The following B3GALNT2 variants were observed in gnomAD, a reference collection of about 807,000 sequenced individuals.
The protein encoded by B3GALNT2 is UDP-GalNAc:beta-1,3-N-acetylgalactosaminyltransferase 2.
B3GALNT2 carries 53 observed loss-of-function variants against 61.1 expected under a neutral mutation model. The observed-to-expected ratio is 0.87, with a 90% confidence interval of 0.70 to 1.09. The LOEUF (loss-of-function observed/expected upper bound fraction) is 1.09, where lower values mean the gene tolerates loss of function less well. Ranked by LOEUF, B3GALNT2 falls within the 50% of genes least tolerant of loss-of-function variation. B3GALNT2 has a pLI of 0.00. For synonymous variants in B3GALNT2, 223 were observed against 237.4 expected (o/e 0.94, Z 0.56); for missense variants, 544 against 623.0 (o/e 0.87, Z 1.35).
At chr1:235,501,819 T>C (rs1193357117) in intron 1 of B3GALNT2, among the ~76,000 whole-genome samples, 1 of 152,144 alleles carries the variant, frequency 6.6e-6, no homozygotes, top group East Asian at 1.9e-4. Flanking sequence ...AATCTTGGGT[T>C]TTTTTTTCTC....
intron 7 of B3GALNT2, among the ~76,000 whole-genome samples, chr1:235,461,640 T>C (rs946711897): frequency 1.3e-5 from 2 of 149,264 alleles, no homozygotes; most frequent in Non-Finnish European, 1.5e-5. Context: ...CCTGAGCCTC[T>C]CGAGTAGCTA....
chr1:235,488,937 C>A (rs1185751086), intron 3 of B3GALNT2, among the ~76,000 whole-genome samples: 1 of 151,902 alleles, frequency 6.6e-6, no homozygotes, highest in African/African-American at 2.4e-5. Context: ...TGCCTGTAGT[C>A]CTAGCAGGGT....
intron 5 of B3GALNT2, among the ~76,000 whole-genome samples, chr1:235,476,641 G>A (rs917093158): frequency 1.3e-5 from 2 of 152,154 alleles, no homozygotes; most frequent in Admixed American, 1.3e-4. Context: ...CCTGGGGTCA[G>A]GAGTTCGAGA....
At position 235,504,442 on chromosome 1, in the gene B3GALNT2, G is replaced by A. The variant is rs75700660; in HGVS notation, c.-190C>T. On this transcript the variant is annotated 5_prime_UTR_variant, in exon 1 of 12. Transcript: ENST00000366600. ...TCCTCCGGTCCCTCAGACCGCGGGT[G>A]GCCGCGGCTTAGCCGGCCGAAGCCC... 4 of 559,612 alleles carry A rather than the reference G, an allele frequency of 7.1e-6. No individual in the cohort carries two copies. The highest frequency in any genetic ancestry group is 2.9e-5 in the South Asian group (1 of 34,222). 34.7% of individuals were successfully genotyped at this position (559,612 alleles called of 1,614,324 possible). A position where few individuals can be genotyped will look rare whatever the true frequency, so the allele number is the denominator to read the frequency against.
chr1:235,464,380 A>G (rs963883430), intron 7 of B3GALNT2: 4 of 152,060 alleles, frequency 2.6e-5, no homozygotes, highest in Non-Finnish European at 5.9e-5. Context: ...TATTTCTCTA[A>G]AGATATACAA....
At chr1:235,465,880 TCTA>T (rs1683671341) in intron 6 of B3GALNT2, 166 bp from the exon 7 acceptor site, 4 of 717,166 alleles carry the variant, frequency 5.6e-6, no homozygotes, top group Non-Finnish European at 9.0e-6. Context: ...CATACGGTAT[TCTA>T]CTATTTTTGT....
intron 5 of B3GALNT2, chr1:235,478,908 C>T (rs186027945): frequency 6.6e-6 from 1 of 151,918 alleles, no homozygotes; most frequent in African/African-American, 2.4e-5. Context: ...CCTTTTTTTC[C>T]ACCCCTGTTT....
At chr1:235,484,794 C>T (rs761864729) in intron 3 of B3GALNT2, 15 of 346,530 alleles carry the variant, frequency 4.3e-5, no homozygotes, top group South Asian at 1.3e-4. Flanking sequence ...TATGTATAAA[C>T]GCCACAGGAG....
chr1:235,465,343 A>C, intron 7 of B3GALNT2: 1 of 314,690 alleles, frequency 3.2e-6, no homozygotes, highest in South Asian at 6.6e-5. Context: ...GAAATGTTCA[A>C]AACAGGCAAA....
the B3GALNT2 span, among the ~76,000 whole-genome samples, chr1:235,440,295 T>G: frequency 1.3e-5 from 2 of 150,230 alleles, no homozygotes; most frequent in East Asian, 4.0e-4. Flanking sequence ...TAAATGTAGG[T>G]TCTTCTCTTG....
At chr1:235,496,417 T>A in intron 1 of B3GALNT2, 3 of 668,544 alleles carry the variant, frequency 4.5e-6, no homozygotes, top group Non-Finnish European at 5.7e-6. Flanking sequence ...CAATTTATTT[T>A]TAAATAAATT....
chr1:235,441,862 T>C, the B3GALNT2 span: 40 of 1,613,996 alleles, frequency 2.5e-5, no homozygotes, highest in African/African-American at 2.1e-4. Context: ...CAACCACTTA[T>C]GCTGAAAAAC....
chr1:235,473,854 C>T (rs559563605), intron 5 of B3GALNT2, among the ~76,000 whole-genome samples: 25 of 152,266 alleles, frequency 1.6e-4, no homozygotes, highest in African/African-American at 5.1e-4. Flanking sequence ...GATGATAAAA[C>T]GAGTAATTCT....
chr1:235,466,585 G>A (rs1683708002), intron 6 of B3GALNT2, among the ~76,000 whole-genome samples: 1 of 151,804 alleles, frequency 6.6e-6, no homozygotes, highest in Non-Finnish European at 1.5e-5. Flanking sequence ...GAACTCCTGG[G>A]CTCAAGTGAT....
At chr1:235,494,550 A>T in intron 2 of B3GALNT2, 131 bp downstream of exon 2, 1 of 979,782 alleles carries the variant, frequency 1.0e-6, no homozygotes. Context: ...TCAATTTTCC[A>T]AGCTCAAGCA....
chr1:235,441,744 G>A, the B3GALNT2 span: 20 of 1,426,088 alleles, frequency 1.4e-5, no homozygotes, highest in African/African-American at 1.8e-4. Flanking sequence ...TCCTTTGTTT[G>A]TTTGTTTGTT....
chr1:235,466,636 T>C (rs1380669142), intron 6 of B3GALNT2, among the ~76,000 whole-genome samples: 1 of 152,220 alleles, frequency 6.6e-6, no homozygotes, highest in Non-Finnish European at 1.5e-5. Context: ...ATTACAGGTG[T>C]GGGCCACTGT....
downstream of B3GALNT2, among the ~76,000 whole-genome samples, chr1:235,443,173 CACACACACACACATATATATAT>C (rs957164647): frequency 6.5e-5 from 9 of 139,346 alleles, no homozygotes; most frequent in Admixed American, 4.4e-4. Context: ...ATTACACACA[CACACACACACACATATATATAT>C]ACACACACAC....
At chr1:235,474,986 TA>T (rs1251197383) in intron 5 of B3GALNT2, among the ~76,000 whole-genome samples, 44 of 26,954 alleles carry the variant, frequency 1.6e-3, no homozygotes, top group Non-Finnish European at 1.9e-3. Flanking sequence ...TATATATATA[TA>T]TTTTTTTTTT....
Sources: allele counts gnomAD v4.1 joint callset (sites outside exome capture counted in the v4.1 genomes callset), GRCh38; gene constraint gnomAD v4.1.1; transcripts MANE v1.5; gene names NCBI Gene and HGNC (gene_info 2026-07-23, HGNC 2026-07-21).